NIPAL3: variants seen among roughly 807,000 people sequenced by gnomAD.
NIPAL3 encodes the protein NIPA-like protein 3.
NIPAL3 carries 41 observed loss-of-function variants against 47.2 expected under a neutral mutation model. That is an observed-to-expected ratio of 0.87 (90% CI 0.68 to 1.13). The LOEUF (loss-of-function observed/expected upper bound fraction) is 1.13, where lower values mean the gene tolerates loss of function less well. NIPAL3 is among the 50% of genes most tolerant of loss of function. The pLI, the probability that NIPAL3 is intolerant of heterozygous loss-of-function variation, is 0.00. For missense variants in NIPAL3, 449 were observed against 530.1 expected, an observed-to-expected ratio of 0.85 and a Z score of 1.50; for synonymous variants, 194 against 209.6, an observed-to-expected ratio of 0.93 and a Z score of 0.64.
chr1:24,456,298 T>A, intron 8 of NIPAL3, 25 bp downstream of exon 8: 5 of 1,614,124 alleles, frequency 3.1e-6, no homozygotes, highest in Non-Finnish European at 4.2e-6. Flanking sequence ...CTTTTCCTGC[T>A]GGGCCCTGCC....
chr1:24,427,932 C>T (rs1251970018), intron 2 of NIPAL3, among the ~76,000 whole-genome samples: 9 of 152,142 alleles, frequency 5.9e-5, no homozygotes, highest in Non-Finnish European at 8.8e-5. Context: ...ATCCCTCTTC[C>T]CCAGGGCAGG....
chr1:24,419,320 T>C lies in NIPAL3; in HGVS notation c.-228T>C, dbSNP rs1435054447. 2 of 1,250,838 alleles carry C rather than the reference T, an allele frequency of 1.6e-6. No homozygotes were observed. The highest frequency in any genetic ancestry group is 2.0e-6 in the Non-Finnish European group (2 of 997,700). 77.5% of individuals were successfully genotyped at this position (1,250,838 alleles called of 1,614,324 possible). On this transcript the variant is annotated 5_prime_UTR_variant, in exon 2 of 12. Coordinates refer to ENST00000374399, the MANE Select transcript of NIPAL3 (RefSeq NM_020448.5). ...CCGCAAGAACTGGAAAACACACCCCTCTCTGTCTGCCTGGGAGAGCCACGG... is the reference window on the plus strand; with the variant it reads ...CCGCAAGAACTGGAAAACACACCCCCCTCTGTCTGCCTGGGAGAGCCACGG...
chr1:24,424,356 T>C lies in NIPAL3; in HGVS notation c.93+4716T>C, dbSNP rs150571610. Among the ~76,000 whole-genome samples, 696 of 152,302 alleles carry C rather than the reference T, an allele frequency of 4.6e-3. 3 individuals carry two copies. Among genetic ancestry groups the C allele is most frequent in the African/African-American group, 0.015 (642 of 41,566 alleles). On this transcript the variant is annotated intron_variant, in intron 2 of 11. Coordinates refer to ENST00000374399, the MANE Select transcript of NIPAL3 (RefSeq NM_020448.5). Reference sequence around the variant, plus strand: ...GTTTTCATCCTTCCCTCCCAACGGCTGTGTGGATCAATGAAAAAGCACCTA... The same window carrying C: ...GTTTTCATCCTTCCCTCCCAACGGCCGTGTGGATCAATGAAAAAGCACCTA...
intron 1 of NIPAL3, among the ~76,000 whole-genome samples, chr1:24,417,389 C>T (rs760968): frequency 0.19 from 29,618 of 152,102 alleles, 3,311 homozygotes; most frequent in East Asian, 0.3. Flanking sequence ...GAACCCTGAG[C>T]CACTCTTAAG....
In NIPAL3 at chr1:24,442,096, G is replaced by A; in HGVS notation, c.204G>A (p.Arg68=). Residue 68 remains arginine (R), a synonymous_variant, in exon 4 of 12, where the codon CGG becomes CGA. Coordinates refer to ENST00000374399, the MANE Select transcript of NIPAL3 (RefSeq NM_020448.5). ...HIRLAGSKDP[R]AYFKTKTWWL... ...GCCTGGCAGGCTCCAAGGATCCCCG[G>A]GCCTATTTCAAGACCAAGACATGGT... The A allele has an allele frequency of 6.2e-7, 1 of 1,614,168 alleles. No individual in the cohort carries two copies. The highest frequency in any genetic ancestry group is 8.5e-7 in the Non-Finnish European group (1 of 1,180,010).
intron 6 of NIPAL3, 94 bp from the exon 7 acceptor site, chr1:24,453,314 C>CTG: frequency 1.3e-6 from 1 of 789,026 alleles, no homozygotes; most frequent in South Asian, 1.4e-5. Context: ...CCTTTCAACC[C>CTG]TGTGACTCTG....
chr1:24,435,640 CA>C (rs1173758602), intron 2 of NIPAL3, among the ~76,000 whole-genome samples: 3 of 152,148 alleles, frequency 2.0e-5, no homozygotes, highest in Non-Finnish European at 4.4e-5. Context: ...ACACCAAAAG[CA>C]TAAACAACAA....
At chr1:24,433,702 G>C (rs1644978267) in intron 2 of NIPAL3, among the ~76,000 whole-genome samples, 1 of 152,152 alleles carries the variant, frequency 6.6e-6, no homozygotes, top group Non-Finnish European at 1.5e-5. Flanking sequence ...GGAGGCTCCA[G>C]TTAGATATAA....
At chr1:24,457,635 G>C (rs1470310001) in intron 8 of NIPAL3, 1 of 447,884 alleles carries the variant, frequency 2.2e-6, no homozygotes, top group Admixed American at 2.7e-5. Flanking sequence ...GATGCGGAGA[G>C]AGTAAGAGGC....
At position 24,470,449 on chromosome 1, in the gene NIPAL3, T is replaced by G. The variant is rs967422193; in HGVS notation, c.*1264T>G. On this transcript the variant is annotated 3_prime_UTR_variant, in exon 12 of 12. Transcript: ENST00000374399. ...ATTCTTAACTGGTACCACCAGTGAT[T>G]CTGATGCGATGCTTCAATCCCGAGA... is the stretch of plus-strand genomic sequence containing the variant. 1 of 152,204 alleles carries G rather than the reference T, an allele frequency of 6.6e-6. No homozygotes were observed. Among genetic ancestry groups the G allele is most frequent in the Non-Finnish European group, 1.5e-5 (1 of 68,034 alleles). The allele number at this position is 152,204 out of a possible 1,614,324, so 9.4% of individuals were successfully genotyped here.
At chr1:24,428,387 A>G (rs1570219098) in intron 2 of NIPAL3, among the ~76,000 whole-genome samples, 1 of 152,004 alleles carries the variant, frequency 6.6e-6, no homozygotes, top group South Asian at 2.1e-4. Context: ...AAAATTGGCC[A>G]TAAGGAAATT....
intron 8 of NIPAL3, chr1:24,457,767 G>C (rs1345182682): frequency 7.5e-6 from 4 of 533,288 alleles, no homozygotes; most frequent in Non-Finnish European, 1.5e-5. Context: ...CTGCTAATGA[G>C]AACAACAGTC....
At chr1:24,456,030 C>G in intron 7 of NIPAL3, 108 bp from the exon 8 acceptor site, 1 of 1,337,516 alleles carries the variant, frequency 7.5e-7, no homozygotes, top group Non-Finnish European at 1.0e-6. Flanking sequence ...TGTTCCTGTT[C>G]CCTCCCCTCT....
intron 9 of NIPAL3, among the ~76,000 whole-genome samples, chr1:24,460,064 A>G (rs1445628522): frequency 1.3e-5 from 2 of 152,234 alleles, no homozygotes; most frequent in African/African-American, 4.8e-5. Context: ...ATCTATCTTA[A>G]GAAAGATGGA....
chr1:24,417,239 T>G (rs1464165597), intron 1 of NIPAL3, among the ~76,000 whole-genome samples: 1 of 152,102 alleles, frequency 6.6e-6, no homozygotes, highest in Non-Finnish European at 1.5e-5. Flanking sequence ...TGTATAGAAG[T>G]CACTGTCAGG....
chr1:24,428,258 A>AAGAGAGAGAGAGAGAGAG lies in NIPAL3; in HGVS notation c.93+8646_93+8663dup, dbSNP rs56082168. On this transcript the variant is annotated intron_variant, in intron 2 of 11. Transcript: ENST00000374399. ...AGAGCGAGACCCTGTCTCAAAAAGA[A>AAGAGAGAGAGAGAGAGAG]AGAGAGAGAGAGAGAGAGAGAGAGA... 5.8e-3 allele frequency among the ~76,000 whole-genome samples: 697 copies of AAGAGAGAGAGAGAGAGAG among 119,350 alleles called. 9 individuals are homozygous for AAGAGAGAGAGAGAGAGAG. Among genetic ancestry groups the AAGAGAGAGAGAGAGAGAG allele is most frequent in the Middle Eastern group, 0.013 (3 of 224 alleles). The allele number at this position is 119,350 out of a possible 152,430, so 78.3% of individuals were successfully genotyped here. A position where few individuals can be genotyped will look rare whatever the true frequency, so the allele number is the denominator to read the frequency against.
intron 2 of NIPAL3, among the ~76,000 whole-genome samples, chr1:24,437,150 G>A (rs1415452571): frequency 6.6e-6 from 1 of 152,084 alleles, no homozygotes; most frequent in Non-Finnish European, 1.5e-5. Context: ...TACTTGGGAG[G>A]CTGAGGCAGG....
At chr1:24,456,480 G>T (rs950049327) in intron 8 of NIPAL3, among the ~76,000 whole-genome samples, 1 of 152,202 alleles carries the variant, frequency 6.6e-6, no homozygotes, top group African/African-American at 2.4e-5. Context: ...GCCAGGCTCA[G>T]TGACCCACGC....
intron 2 of NIPAL3, among the ~76,000 whole-genome samples, chr1:24,425,788 G>A (rs1055983313): frequency 1.3e-5 from 2 of 152,088 alleles, no homozygotes; most frequent in Non-Finnish European, 2.9e-5. Flanking sequence ...GAGAATGACC[G>A]GAATTTACAG....
Sources: allele counts gnomAD v4.1 joint callset (sites outside exome capture counted in the v4.1 genomes callset), GRCh38; gene constraint gnomAD v4.1.1; transcripts MANE v1.5; gene names NCBI Gene and HGNC (gene_info 2026-07-23, HGNC 2026-07-21).